SPRYD4: variants seen among roughly 807,000 people sequenced by gnomAD.
The protein encoded by SPRYD4 is SPRY domain containing 4.
SPRYD4 carries 12 observed loss-of-function variants against 16.6 expected under a neutral mutation model. The observed-to-expected ratio is 0.72, with a 90% confidence interval of 0.46 to 1.17. The LOEUF is 1.17. Ranked by LOEUF, SPRYD4 falls within the 50% of genes most tolerant of loss-of-function variation. SPRYD4 has a pLI of 0.00. For synonymous variants in SPRYD4, 98 were observed against 105.4 expected (o/e 0.93, Z 0.43); for missense variants, 260 against 260.2 (o/e 1.00, Z 0.00).
At position 56,469,307 on chromosome 12, in the gene SPRYD4, T is replaced by A; in HGVS notation, c.354T>A (p.Asp118Glu). Residue 118 changes from aspartate to glutamate, a missense_variant, in exon 2 of 2, where the codon GAT becomes GAA. Physicochemically the swap from Asp to Glu is conservative, Grantham distance 45. Transcript: ENST00000338146. Reference protein sequence around the residue: ...DMSRDSCIGVDDRSWVFTYAQ... With the variant: ...DMSRDSCIGVEDRSWVFTYAQ... ...CCCGGGATAGCTGCATTGGTGTTGA[T>A]GATCGTTCCTGGGTGTTCACCTATG... 1 of 1,614,200 alleles carries A rather than the reference T, an allele frequency of 6.2e-7. No individual in the cohort carries two copies. The highest frequency in any genetic ancestry group is 8.5e-7 in the Non-Finnish European group (1 of 1,180,024).
In SPRYD4 at chr12:56,469,478, G is replaced by C. The variant is rs746808578; in HGVS notation, c.525G>C (p.Thr175=). Residue 175 remains threonine (T), a synonymous_variant, in exon 2 of 2, where the codon ACG becomes ACC. Coordinates refer to ENST00000338146, the MANE Select transcript of SPRYD4 (RefSeq NM_207344.4). ...VDVSQVSVVH[T]LQTDFRGPVV... is the part of the protein sequence containing the mutation. ...TGAGCCAGGTCTCTGTGGTTCACAC[G>C]CTACAGACAGATTTCCGGGGTCCAG... 5.3e-5 allele frequency: 86 copies of C among 1,614,000 alleles called. No individual in the cohort carries two copies. The highest frequency in any genetic ancestry group is 6.1e-5 in the Non-Finnish European group (72 of 1,180,020).
chr12:56,471,408 T>G lies in SPRYD4; in HGVS notation c.*1831T>G. ...CCCACTGAAGCAGTGTAGCTCTCCA[T>G]AGTATTTTTGGTGGTTATGGATTAC... On this transcript the variant is annotated 3_prime_UTR_variant, in exon 2 of 2. Coordinates refer to ENST00000338146, the MANE Select transcript of SPRYD4 (RefSeq NM_207344.4). The G allele has an allele frequency of 2.8e-6, 4 of 1,432,714 alleles. No homozygotes were observed. Among genetic ancestry groups the G allele is most frequent in the Non-Finnish European group, 3.8e-6 (4 of 1,058,788 alleles). The allele number at this position is 1,432,714 out of a possible 1,614,324, so 88.8% of individuals were successfully genotyped here.
At position 56,474,430 on chromosome 12, in the gene SPRYD4, G is replaced by T; in HGVS notation, c.*4853G>T. ...GAGTCTCAACCTAATTGCCTTCCTG[G>T]AAGTTAGTGAATGAGAGGCAGGAAC... On this transcript the variant is annotated 3_prime_UTR_variant, in exon 2 of 2. Coordinates refer to ENST00000338146, the MANE Select transcript of SPRYD4 (RefSeq NM_207344.4). The T allele has an allele frequency of 7.5e-7, 1 of 1,328,672 alleles. No individual in the cohort carries two copies. The highest frequency in any genetic ancestry group is 1.0e-6 in the Non-Finnish European group (1 of 964,796). 82.3% of individuals were successfully genotyped at this position (1,328,672 alleles called of 1,614,324 possible).
In SPRYD4 at chr12:56,476,020, G is replaced by A. The variant is rs1234738835; in HGVS notation, c.*6443G>A. ...GATGTCAGCATTCTAAGTGTAGGAG[G>A]ATGACAGAGGGAAGGGTCAGAAGGA... On this transcript the variant is annotated 3_prime_UTR_variant, in exon 2 of 2. Coordinates refer to ENST00000338146, the MANE Select transcript of SPRYD4 (RefSeq NM_207344.4). The A allele has an allele frequency of 1.3e-6, 2 of 1,592,614 alleles. No individual in the cohort carries two copies. The highest frequency in any genetic ancestry group is 1.7e-6 in the Non-Finnish European group (2 of 1,165,488).
In SPRYD4 at chr12:56,478,465, A is replaced by G. The variant is rs1870019043; in HGVS notation, c.*8888A>G. 1.7e-6 allele frequency: 1 copy of G among 577,694 alleles called. No homozygotes were observed. The highest frequency in any genetic ancestry group is 3.1e-6 in the Non-Finnish European group (1 of 324,110). 35.8% of individuals were successfully genotyped at this position (577,694 alleles called of 1,614,324 possible). A position where few individuals can be genotyped will look rare whatever the true frequency, so the allele number is the denominator to read the frequency against. On this transcript the variant is annotated 3_prime_UTR_variant, in exon 2 of 2. Coordinates refer to ENST00000338146, the MANE Select transcript of SPRYD4 (RefSeq NM_207344.4). ...TATCTTTGTGTATCCGCAATCCTGT[A>G]GAGATAGCAGTAAAGCCAATGGAAG... is the stretch of plus-strand genomic sequence containing the variant.
rs1289633657 is a variant in SPRYD4 at position 56,478,528 on chromosome 12, G to A, written c.*8951G>A. The A allele has an allele frequency of 2.2e-6, 1 of 459,914 alleles. No individual in the cohort carries two copies. The highest frequency in any genetic ancestry group is 4.0e-6 in the Non-Finnish European group (1 of 252,846). The allele number at this position is 459,914 out of a possible 1,614,324, so 28.5% of individuals were successfully genotyped here. Reference sequence around the variant, plus strand: ...AATTCTGAGGCAACCTTCCCCTTTTGGTTCTTAGGCTCAGTTACCCTATAA... The same window carrying A: ...AATTCTGAGGCAACCTTCCCCTTTTAGTTCTTAGGCTCAGTTACCCTATAA... On this transcript the variant is annotated 3_prime_UTR_variant, in exon 2 of 2. Coordinates refer to ENST00000338146, the MANE Select transcript of SPRYD4 (RefSeq NM_207344.4).
Position 56,475,795 on chromosome 12 carries a change from G to A in SPRYD4, c.*6218G>A, listed in dbSNP as rs1271823981. 8.5e-7 allele frequency: 1 copy of A among 1,176,316 alleles called. No homozygotes were observed. The highest frequency in any genetic ancestry group is 1.2e-6 in the Non-Finnish European group (1 of 805,232). 72.9% of individuals were successfully genotyped at this position (1,176,316 alleles called of 1,614,324 possible). ...GTCTTGTCAAGAGGCTTTCCTCTCT[G>A]AGGCCAGCAGATTTCCACATTTCTG... On this transcript the variant is annotated 3_prime_UTR_variant, in exon 2 of 2. Coordinates refer to ENST00000338146, the MANE Select transcript of SPRYD4 (RefSeq NM_207344.4).
rs1565703810 is a variant in SPRYD4, at chr12:56,475,905, G to A, written c.*6328G>A. 6.2e-7 allele frequency: 1 copy of A among 1,611,030 alleles called. No homozygotes were observed. The highest frequency in any genetic ancestry group is 8.5e-7 in the Non-Finnish European group (1 of 1,177,434). ...GCAGCTGGAGAGGACAGCATGCCATGGCGAAATGCAGCCAGGGGCTAAGTA... is the reference window on the plus strand; with the variant it reads ...GCAGCTGGAGAGGACAGCATGCCATAGCGAAATGCAGCCAGGGGCTAAGTA... On this transcript the variant is annotated 3_prime_UTR_variant, in exon 2 of 2. Coordinates refer to ENST00000338146, the MANE Select transcript of SPRYD4 (RefSeq NM_207344.4).
chr12:56,474,957 G>A lies in SPRYD4; in HGVS notation c.*5380G>A, dbSNP rs1869670213. On this transcript the variant is annotated 3_prime_UTR_variant, in exon 2 of 2. Transcript: ENST00000338146. ...GACATCAGCCCTTTCACACTGTCAG[G>A]GTCTCAGCTGAAGCCCCCAACCCCT... 13 of 1,613,636 alleles carry A rather than the reference G, an allele frequency of 8.1e-6. No homozygotes were observed. The highest frequency in any genetic ancestry group is 1.7e-4 in the Middle Eastern group (1 of 5,912).
chr12:56,475,224 C>A lies in SPRYD4; in HGVS notation c.*5647C>A, dbSNP rs1380005022. Reference sequence around the variant, plus strand: ...TACATCACACCACAAACTAAATGAACCCCTTTATAACTTCTCACAGTAATA... The same window carrying A: ...TACATCACACCACAAACTAAATGAAACCCTTTATAACTTCTCACAGTAATA... On this transcript the variant is annotated 3_prime_UTR_variant, in exon 2 of 2. Coordinates refer to ENST00000338146, the MANE Select transcript of SPRYD4 (RefSeq NM_207344.4). 1.9e-6 allele frequency: 3 copies of A among 1,599,000 alleles called. No individual in the cohort carries two copies. The highest frequency in any genetic ancestry group is 2.5e-6 in the Non-Finnish European group (3 of 1,178,392).
Position 56,472,817 on chromosome 12 carries a change from C to A in SPRYD4, c.*3240C>A. Reference sequence around the variant, plus strand: ...ACCTATGCCAGCTGTGCCCTGTGACCCTCCTCCATGGATGCTTAGTCCAAG... The same window carrying A: ...ACCTATGCCAGCTGTGCCCTGTGACACTCCTCCATGGATGCTTAGTCCAAG... On this transcript the variant is annotated 3_prime_UTR_variant, in exon 2 of 2. Coordinates refer to ENST00000338146, the MANE Select transcript of SPRYD4 (RefSeq NM_207344.4). 7.4e-7 allele frequency: 1 copy of A among 1,354,018 alleles called. No individual in the cohort carries two copies. Among genetic ancestry groups the A allele is most frequent in the South Asian group, 1.2e-5 (1 of 85,498 alleles). The allele number at this position is 1,354,018 out of a possible 1,614,324, so 83.9% of individuals were successfully genotyped here.
rs375152453 is a variant in SPRYD4, at chr12:56,475,908, G to A, written c.*6331G>A. 13 of 1,611,906 alleles carry A rather than the reference G, an allele frequency of 8.1e-6. No individual in the cohort carries two copies. Among genetic ancestry groups the A allele is most frequent in the East Asian group, 4.5e-5 (2 of 44,884 alleles). On this transcript the variant is annotated 3_prime_UTR_variant, in exon 2 of 2. Coordinates refer to ENST00000338146, the MANE Select transcript of SPRYD4 (RefSeq NM_207344.4). ...GCTGGAGAGGACAGCATGCCATGGC[G>A]AAATGCAGCCAGGGGCTAAGTAGCA...
In SPRYD4 at chr12:56,475,649, C is replaced by A. The variant is rs866631658; in HGVS notation, c.*6072C>A. The A allele has an allele frequency of 3.7e-6, 6 of 1,614,158 alleles. No homozygotes were observed. The highest frequency in any genetic ancestry group is 2.2e-5 in the East Asian group (1 of 44,880). On this transcript the variant is annotated 3_prime_UTR_variant, in exon 2 of 2. Transcript: ENST00000338146. ...GTGGCATTGCTGAAACCCATGTATTCATTCCCAGCCATTTTGTTGAGATAC... is the reference window on the plus strand; with the variant it reads ...GTGGCATTGCTGAAACCCATGTATTAATTCCCAGCCATTTTGTTGAGATAC...
chr12:56,478,985 GGAAAA>G lies in SPRYD4; in HGVS notation c.*9409_*9413del. On this transcript the variant is annotated 3_prime_UTR_variant, in exon 2 of 2. Transcript: ENST00000338146. Reference sequence around the variant, plus strand: ...GGTGACAGAGCAAAACTCTGTCTCAGGAAAAAAAAAAAAAAAAAAAATCTGGCCCA... The same window carrying G: ...GGTGACAGAGCAAAACTCTGTCTCAGAAAAAAAAAAAAAAAATCTGGCCCA... The G allele has an allele frequency of 8.4e-7, 1 of 1,186,942 alleles. No individual in the cohort carries two copies. 73.5% of individuals were successfully genotyped at this position (1,186,942 alleles called of 1,614,324 possible).
chr12:56,469,312 G>T lies in SPRYD4; in HGVS notation c.359G>T (p.Arg120Leu). Reference sequence around the variant, plus strand: ...GATAGCTGCATTGGTGTTGATGATCGTTCCTGGGTGTTCACCTATGCCCAG... The same window carrying T: ...GATAGCTGCATTGGTGTTGATGATCTTTCCTGGGTGTTCACCTATGCCCAG... Reference protein sequence around the residue: ...SRDSCIGVDDRSWVFTYAQRK... With the variant: ...SRDSCIGVDDLSWVFTYAQRK... Residue 120 changes from arginine (R) to leucine (L), a missense_variant, in exon 2 of 2, where the codon CGT becomes CTT. Arg to Leu is a moderately radical substitution (Grantham distance 102, BLOSUM62 -2). Coordinates refer to ENST00000338146, the MANE Select transcript of SPRYD4 (RefSeq NM_207344.4). The T allele has an allele frequency of 6.2e-7, 1 of 1,614,178 alleles. No homozygotes were observed.
Position 56,473,781 on chromosome 12 carries a change from G to T in SPRYD4, c.*4204G>T. 1.5e-6 allele frequency: 1 copy of T among 658,120 alleles called. No individual in the cohort carries two copies. Among genetic ancestry groups the T allele is most frequent in the Non-Finnish European group, 2.4e-6 (1 of 422,158 alleles). The allele number at this position is 658,120 out of a possible 1,614,324, so 40.8% of individuals were successfully genotyped here. On this transcript the variant is annotated 3_prime_UTR_variant, in exon 2 of 2. Coordinates refer to ENST00000338146, the MANE Select transcript of SPRYD4 (RefSeq NM_207344.4). ...TCCTTCCCTTAAATTCATTGATTCAGCTAGAAAATATTTTTTGAAATACTT... is the reference window on the plus strand; with the variant it reads ...TCCTTCCCTTAAATTCATTGATTCATCTAGAAAATATTTTTTGAAATACTT...
Position 56,476,524 on chromosome 12 carries a change from CAGG to C in SPRYD4, c.*6952_*6954del, listed in dbSNP as rs1391090507. ...ATCTCAGCAATTTGGGGGGCTGAGGCAGGAGGATCGCTTGAGACCAGGGGTTTG... is the reference window on the plus strand; with the variant it reads ...ATCTCAGCAATTTGGGGGGCTGAGGCAGGATCGCTTGAGACCAGGGGTTTG... On this transcript the variant is annotated 3_prime_UTR_variant, in exon 2 of 2. Coordinates refer to ENST00000338146, the MANE Select transcript of SPRYD4 (RefSeq NM_207344.4). The C allele has an allele frequency of 6.5e-6, 1 of 154,794 alleles. No homozygotes were observed. The highest frequency in any genetic ancestry group is 2.4e-5 in the African/African-American group (1 of 41,306). The allele number at this position is 154,794 out of a possible 1,614,324, so 9.6% of individuals were successfully genotyped here. A position where few individuals can be genotyped will look rare whatever the true frequency, so the allele number is the denominator to read the frequency against.
rs1296244026 is a variant in SPRYD4 at position 56,471,687 on chromosome 12, G to C, written c.*2110G>C. The stretch of plus-strand genomic sequence containing the variant: ...TGATCAGGCAAAGGAGACGTGGAGA[G>C]TGGTGGTTGTATATATTTGCATGGT... On this transcript the variant is annotated 3_prime_UTR_variant, in exon 2 of 2. Transcript: ENST00000338146. The C allele has an allele frequency of 1.9e-6, 3 of 1,612,686 alleles. No homozygotes were observed. The highest frequency in any genetic ancestry group is 2.2e-5 in the South Asian group (2 of 91,046).
Position 56,471,925 on chromosome 12 carries a change from G to C in SPRYD4, c.*2348G>C. 1 of 1,435,728 alleles carries C rather than the reference G, an allele frequency of 7.0e-7. No individual in the cohort carries two copies. Among genetic ancestry groups the C allele is most frequent in the Non-Finnish European group, 9.8e-7 (1 of 1,020,650 alleles). The allele number at this position is 1,435,728 out of a possible 1,614,324, so 88.9% of individuals were successfully genotyped here. On this transcript the variant is annotated 3_prime_UTR_variant, in exon 2 of 2. Transcript: ENST00000338146. Reference sequence around the variant, plus strand: ...TAGCCACTGAAGTCTTTACCAAGAGGGGAGGGGAAAAGGCCTCTTCCCATT... The same window carrying C: ...TAGCCACTGAAGTCTTTACCAAGAGCGGAGGGGAAAAGGCCTCTTCCCATT...
Sources: gnomAD v4.1 joint callset for allele counts on GRCh38, gnomAD v4.1.1 for gene constraint, MANE v1.5 for transcripts, NCBI Gene and HGNC (gene_info 2026-07-23, HGNC 2026-07-21) for gene names.